SPG21: variants seen among roughly 807,000 people sequenced by gnomAD.
SPG21 encodes maspardin.
Under a neutral mutation model 38.9 loss-of-function variants are expected in SPG21, and 26 were observed. The observed-to-expected ratio is 0.67, with a 90% CI of 0.49 to 0.93. The LOEUF (loss-of-function observed/expected upper bound fraction) is 0.93. SPG21 is among the 40% of genes least tolerant of loss of function. The probability of loss-of-function intolerance (pLI) is 0.00; values close to 1 mark genes in which losing one functional copy is unlikely to be tolerated. For synonymous variants in SPG21, 136 were observed against 128.9 expected (o/e 1.05, Z -0.37); for missense variants, 333 against 376.5 (o/e 0.88, Z 0.96).
Position 64,989,891 on chromosome 15 carries a change from C to G in SPG21, c.-251G>C, listed in dbSNP as rs2086083609. On this transcript the variant is annotated 5_prime_UTR_variant, in exon 1 of 9. Transcript: ENST00000204566. ...CCGCCGCGCTCCCCCCGCCCGACCG[C>G]CGCTCAGCTGGCGCGAGACTCCCGC... 1 of 152,122 alleles carries G rather than the reference C, an allele frequency of 6.6e-6. No homozygotes were observed. Among genetic ancestry groups the G allele is most frequent in the Admixed American group, 6.5e-5 (1 of 15,280 alleles). 9.4% of individuals were successfully genotyped at this position (152,122 alleles called of 1,614,324 possible).
rs944418488 is a variant in SPG21 at position 64,970,809 on chromosome 15, G to A, written c.453-587C>T. On this transcript the variant is annotated intron_variant, in intron 5 of 8. Coordinates refer to ENST00000204566, the MANE Select transcript of SPG21 (RefSeq NM_016630.7). The stretch of plus-strand genomic sequence containing the variant: ...GCTGGAAGTACAGTGGCATGATCTC[G>A]GCTGGGTGCAACCTCTGCCTCCCGG... 3.3e-5 allele frequency among the ~76,000 whole-genome samples: 5 copies of A among 152,050 alleles called. No homozygotes were observed. The East Asian group carries it at 7.7e-4, about 23-fold the overall frequency.
At chr15:64,979,190 G>A (rs79799389) in intron 3 of SPG21, among the ~76,000 whole-genome samples, 3,620 of 152,278 alleles carry the variant, frequency 0.024, 78 homozygotes, top group African/African-American at 0.061. Context: ...CCTTGAGAGT[G>A]AAGAAGAAAC....
intron 3 of SPG21, 54 bp downstream of exon 3, chr15:64,980,809 TA>T (rs374086243): frequency 0.061 from 69,019 of 1,129,954 alleles, 1 homozygote; most frequent in Non-Finnish European, 0.065. Flanking sequence ...GACAGAAGCA[TA>T]AAAAAAAAAA....
intron 3 of SPG21, among the ~76,000 whole-genome samples, chr15:64,979,845 C>CA (rs71136305): frequency 0.067 from 5,924 of 88,916 alleles, 472 homozygotes; most frequent in African/African-American, 0.19. Context: ...TGGAAGCATG[C>CA]AAAAAAAAAA....
chr15:64,974,879 C>T (rs2140427790), intron 4 of SPG21, 132 bp from the exon 5 acceptor site: 3 of 1,005,156 alleles, frequency 3.0e-6, no homozygotes, highest in Middle Eastern at 2.5e-4. Flanking sequence ...ATATTTACAG[C>T]AGCTAGAAAT....
At chr15:64,975,265 G>A (rs1337999933) in intron 4 of SPG21, among the ~76,000 whole-genome samples, 3 of 149,040 alleles carry the variant, frequency 2.0e-5, no homozygotes, top group African/African-American at 7.5e-5. Context: ...TCCAGCCTGG[G>A]CAACAGAGCG....
chr15:64,976,594 A>G (rs2085779734), intron 3 of SPG21, 39 bp from the exon 4 acceptor site: 2 of 1,530,578 alleles, frequency 1.3e-6, no homozygotes, highest in African/African-American at 2.8e-5. Flanking sequence ...AAAAATCATA[A>G]AAGTAAAAAT....
chr15:64,976,890 C>A (rs957656524), intron 3 of SPG21, among the ~76,000 whole-genome samples: 3 of 152,094 alleles, frequency 2.0e-5, no homozygotes, highest in Non-Finnish European at 4.4e-5. Flanking sequence ...AAAGAAATAC[C>A]GTTTTCTCTT....
chr15:64,975,391 G>T (rs1363874344), intron 4 of SPG21, among the ~76,000 whole-genome samples: 6 of 151,752 alleles, frequency 4.0e-5, no homozygotes. Context: ...AGCCAGGCAT[G>T]GTGGTACGTG....
At chr15:64,981,283 CT>C in intron 2 of SPG21, 1 of 417,558 alleles carries the variant, frequency 2.4e-6, no homozygotes, top group Non-Finnish European at 4.3e-6. Context: ...TTTCTTCCCC[CT>C]CCTCCTTTTT....
chr15:64,974,558 ATTTTCAAAAT>A (rs1411532660), intron 5 of SPG21, 34 bp downstream of exon 5: 1 of 1,612,420 alleles, frequency 6.2e-7, no homozygotes. Context: ...AAAAGCCAAC[ATTTTCAAAAT>A]TTCACTGAAC....
rs1463379829 is a variant in SPG21 at position 64,983,714 on chromosome 15, T to A, written c.-24-121A>T. ...AGAAGAAAGCCAAGGAAACTGGCTA[T>A]TTTGTCAGTATATAGTCCAACTACA... On this transcript the variant is annotated intron_variant, in intron 1 of 8. Coordinates refer to ENST00000204566, the MANE Select transcript of SPG21 (RefSeq NM_016630.7). 4 of 688,494 alleles carry A rather than the reference T, an allele frequency of 5.8e-6. No individual in the cohort carries two copies. In the East Asian group the frequency reaches 1.1e-4, roughly 19 times the overall value. 42.6% of individuals were successfully genotyped at this position (688,494 alleles called of 1,614,324 possible).
chr15:64,979,133 T>A, intron 3 of SPG21, among the ~76,000 whole-genome samples: 1 of 152,210 alleles, frequency 6.6e-6, no homozygotes, highest in East Asian at 1.9e-4. Context: ...TGACCTTTTC[T>A]TGATTAACTC....
At chr15:64,974,526 C>T in intron 5 of SPG21, 76 bp downstream of exon 5, 1 of 1,556,056 alleles carries the variant, frequency 6.4e-7, no homozygotes, top group South Asian at 1.1e-5. Context: ...TAAGTCTTCC[C>T]TTCCTAATGT....
At chr15:64,964,229 A>G (rs1034735520) in intron 8 of SPG21, among the ~76,000 whole-genome samples, 1 of 152,180 alleles carries the variant, frequency 6.6e-6, no homozygotes, top group East Asian at 1.9e-4. Context: ...CACATTTGGG[A>G]TCTTTGTTCC....
At position 64,963,369 on chromosome 15, in the gene SPG21, G is replaced by A. The variant is rs1454109347; in HGVS notation, c.*251C>T. 6.8e-6 allele frequency: 3 copies of A among 441,036 alleles called. No individual in the cohort carries two copies. Among genetic ancestry groups the A allele is most frequent in the East Asian group, 3.9e-5 (1 of 25,920 alleles). The allele number at this position is 441,036 out of a possible 1,614,324, so 27.3% of individuals were successfully genotyped here. A position where few individuals can be genotyped will look rare whatever the true frequency, so the allele number is the denominator to read the frequency against. ...AGACTTTTGGTAGCAAAATTTGCACGGTTCTTAAAATGGGAGTCTTCAAAA... is the reference window on the plus strand; with the variant it reads ...AGACTTTTGGTAGCAAAATTTGCACAGTTCTTAAAATGGGAGTCTTCAAAA... On this transcript the variant is annotated 3_prime_UTR_variant, in exon 9 of 9. Transcript: ENST00000204566.
chr15:64,976,152 C>T (rs8023676), intron 4 of SPG21, among the ~76,000 whole-genome samples: 136,528 of 152,232 alleles, frequency 0.9, 62,030 homozygotes, highest in East Asian at 0.99. Context: ...GGGCTCGGCA[C>T]GGTGGCTCAC....
chr15:64,980,799 G>C, intron 3 of SPG21, 65 bp downstream of exon 3: 1 of 1,548,808 alleles, frequency 6.5e-7, no homozygotes, highest in Non-Finnish European at 8.9e-7. Flanking sequence ...GCTGATGAGA[G>C]ACAGAAGCAT....
chr15:64,980,809 T>TAA (rs374086243), intron 3 of SPG21, 55 bp downstream of exon 3: 905 of 1,259,110 alleles, frequency 7.2e-4, no homozygotes, highest in Middle Eastern at 1.0e-3. Flanking sequence ...GACAGAAGCA[T>TAA]AAAAAAAAAA....
Sources: allele counts gnomAD v4.1 joint callset (sites outside exome capture counted in the v4.1 genomes callset), GRCh38; gene constraint gnomAD v4.1.1; transcripts MANE v1.5; gene names NCBI Gene and HGNC (gene_info 2026-07-23, HGNC 2026-07-21).